The following TTBK2 variants were observed in gnomAD, a reference collection of about 807,000 sequenced individuals.
The protein encoded by TTBK2 is tau tubulin kinase 2.
In TTBK2, 28 loss-of-function variants were observed where a neutral mutation model predicts 110.8. The ratio of observed to expected loss-of-function variants is 0.25; its 90% CI spans 0.19 to 0.35. The LOEUF is 0.35. Ranked by LOEUF, TTBK2 falls within the 10% of genes least tolerant of loss-of-function variation. The probability of loss-of-function intolerance (pLI) is 1.00; values close to 1 mark genes in which losing one functional copy is unlikely to be tolerated. For synonymous variants in TTBK2, 532 were observed against 527.3 expected (o/e 1.01, Z -0.12); for missense variants, 1,369 against 1,500.3 (o/e 0.91, Z 1.45).
At chr15:42,873,460 C>T (rs1025818487) in intron 2 of TTBK2, among the ~76,000 whole-genome samples, 3 of 151,712 alleles carry the variant, frequency 2.0e-5, no homozygotes, top group Non-Finnish European at 4.4e-5. Flanking sequence ...AAAAACACTA[C>T]AAAATCACCC....
chr15:42,781,195 A>G (rs1225838912), intron 11 of TTBK2, among the ~76,000 whole-genome samples: 1 of 148,362 alleles, frequency 6.7e-6, no homozygotes, highest in Non-Finnish European at 1.5e-5. Context: ...TTAATGCTAG[A>G]AAAAAAAAAT....
chr15:42,859,424 G>A (rs1193826699), intron 3 of TTBK2, among the ~76,000 whole-genome samples: 1 of 152,104 alleles, frequency 6.6e-6, no homozygotes, highest in Non-Finnish European at 1.5e-5. Context: ...GGGTTTTACT[G>A]AAGCTTAATG....
intron 3 of TTBK2, among the ~76,000 whole-genome samples, chr15:42,847,876 A>T (rs1338403535): frequency 2.0e-5 from 3 of 152,202 alleles, no homozygotes; most frequent in Non-Finnish European, 4.4e-5. Flanking sequence ...ATTTTTAGAC[A>T]GGATCTCACT....
chr15:42,783,938 T>C (rs1890296347), intron 10 of TTBK2, among the ~76,000 whole-genome samples: 1 of 151,954 alleles, frequency 6.6e-6, no homozygotes, highest in South Asian at 2.1e-4. Context: ...GGTGGGCACC[T>C]GTAATCCCAG....
At position 42,742,960 on chromosome 15, in the gene TTBK2, A is replaced by G. The variant is rs144929145; in HGVS notation, c.*2835T>C. 4 of 152,304 alleles carry G rather than the reference A, an allele frequency of 2.6e-5. No individual in the cohort carries two copies. In the East Asian group the frequency reaches 7.7e-4, roughly 29 times the overall value. The allele number at this position is 152,304 out of a possible 1,614,324, so 9.4% of individuals were successfully genotyped here. On this transcript the variant is annotated 3_prime_UTR_variant, in exon 15 of 15. Coordinates refer to ENST00000267890, the MANE Select transcript of TTBK2 (RefSeq NM_173500.4). Reference sequence around the variant, plus strand: ...ATCATACTTTAAAACTAAAATAAAAATCCCTGTGTCACAGGTGCTTGCTCA... The same window carrying G: ...ATCATACTTTAAAACTAAAATAAAAGTCCCTGTGTCACAGGTGCTTGCTCA...
At position 42,783,619 on chromosome 15, in the gene TTBK2, G is replaced by C; in HGVS notation, c.997C>G (p.Pro333Ala). 6.2e-7 allele frequency: 1 copy of C among 1,613,706 alleles called. No individual in the cohort carries two copies. Among genetic ancestry groups the C allele is most frequent in the Non-Finnish European group, 8.5e-7 (1 of 1,179,928 alleles). The change falls in exon 11 of 15, where the codon CCC (proline) becomes GCC (alanine). Residue 333 changes from proline (P) to alanine (A), a missense_variant. Around this residue, in one of 4 missense-constraint regions of TTBK2, gnomAD observed 1,097 missense variants for 1,114.7 expected, o/e 0.98. Transcript: ENST00000267890. ...PAAIGIANAT[P>A]IPGDLLRENT... ...TCTCGAAGCAAGTCTCCAGGGATGGGAGTAGCATTGGCAATTCTACATATG... is the reference window on the plus strand; with the variant it reads ...TCTCGAAGCAAGTCTCCAGGGATGGCAGTAGCATTGGCAATTCTACATATG...
intron 10 of TTBK2, among the ~76,000 whole-genome samples, chr15:42,790,814 C>T (rs1260546304): frequency 1.3e-5 from 2 of 152,158 alleles, no homozygotes; most frequent in African/African-American, 4.8e-5. Context: ...ATTCTCCTGC[C>T]TCAGCCTCCG....
At chr15:42,803,722 T>C (rs1325732654) in intron 9 of TTBK2, among the ~76,000 whole-genome samples, 1 of 152,022 alleles carries the variant, frequency 6.6e-6, no homozygotes. Context: ...AAGGTAATGC[T>C]GAGTGAAGAA....
intron 3 of TTBK2, among the ~76,000 whole-genome samples, chr15:42,867,820 T>A (rs527404888): frequency 3.7e-4 from 57 of 152,348 alleles, no homozygotes; most frequent in African/African-American, 1.3e-3. Flanking sequence ...AATCCAGCAA[T>A]AATGCTCTTT....
At chr15:42,779,969 A>T (rs1480212181) in intron 11 of TTBK2, among the ~76,000 whole-genome samples, 2 of 151,364 alleles carry the variant, frequency 1.3e-5, no homozygotes, top group Non-Finnish European at 2.9e-5. Context: ...ACAGAGCGAG[A>T]CTCTGTCTCA....
In TTBK2 at chr15:42,836,916, G is replaced by C. The variant is rs1013034794; in HGVS notation, c.291+3444C>G. ...AGACTCAGCTTCTCCATGTACAAAA[G>C]AGGGATAAAACTTGTTCTCTCCTCC... On this transcript the variant is annotated intron_variant, in intron 4 of 14. Transcript: ENST00000267890. Among the ~76,000 whole-genome samples the C allele has an allele frequency of 2.6e-5, 4 of 152,122 alleles. No individual in the cohort carries two copies. In the East Asian group the frequency reaches 7.7e-4, roughly 29 times the overall value.
intron 9 of TTBK2, chr15:42,801,821 C>A: frequency 1.2e-6 from 1 of 861,810 alleles, no homozygotes; most frequent in South Asian, 1.3e-5. Flanking sequence ...TCTACATACT[C>A]CTTGATGAGC....
intron 6 of TTBK2, 51 bp from the exon 7 acceptor site, chr15:42,817,148 A>G (rs1892072985): frequency 6.6e-7 from 1 of 1,504,834 alleles, no homozygotes. Context: ...ACAGCAATAC[A>G]TTCAGCACAC....
intron 1 of TTBK2, among the ~76,000 whole-genome samples, chr15:42,899,969 A>C (rs532606605): frequency 1.8e-4 from 28 of 151,884 alleles, no homozygotes; most frequent in Non-Finnish European, 3.1e-4. Flanking sequence ...TCAAAAAATA[A>C]ATAAATAAAT....
rs1411465248 is a variant in TTBK2, at chr15:42,741,069, G to C, written c.*4726C>G. On this transcript the variant is annotated 3_prime_UTR_variant, in exon 15 of 15. Transcript: ENST00000267890. ...TGTACCTCCTACAGTTTTTCTAGCA[G>C]TGTTGGACAATGGATTCTAAAGGTT... The C allele has an allele frequency of 1.3e-5, 2 of 152,304 alleles. No homozygotes were observed. Among genetic ancestry groups the C allele is most frequent in the Middle Eastern group, 3.4e-3 (1 of 294 alleles). 9.4% of individuals were successfully genotyped at this position (152,304 alleles called of 1,614,324 possible).
At chr15:42,798,468 G>C (rs1891041038) in intron 9 of TTBK2, among the ~76,000 whole-genome samples, 1 of 152,002 alleles carries the variant, frequency 6.6e-6, no homozygotes, top group South Asian at 2.1e-4. Flanking sequence ...CTCAAACTAG[G>C]GTAACATGTA....
intron 6 of TTBK2, among the ~76,000 whole-genome samples, chr15:42,825,413 C>G (rs1892487580): frequency 6.6e-6 from 1 of 152,092 alleles, no homozygotes; most frequent in African/African-American, 2.4e-5. Flanking sequence ...ATTTAAAATT[C>G]AGTTCCTGGG....
chr15:42,876,843 G>C (rs568245639), intron 2 of TTBK2, among the ~76,000 whole-genome samples: 2 of 152,230 alleles, frequency 1.3e-5, no homozygotes, highest in Non-Finnish European at 2.9e-5. Context: ...CCTGTCAAAA[G>C]AACTCAGAAG....
rs183036688 is a variant in TTBK2, at chr15:42,739,557, G to C, written c.*6238C>G. On this transcript the variant is annotated 3_prime_UTR_variant, in exon 15 of 15. Transcript: ENST00000267890. ...ACCAGGAACTATGTATCAAGGAGAA[G>C]TAAGTGAGGCTCAAGCCCAGGCCAC... 4.1e-4 allele frequency: 62 copies of C among 152,332 alleles called. No individual in the cohort carries two copies. Among genetic ancestry groups the C allele is most frequent in the Admixed American group, 3.9e-3 (60 of 15,302 alleles). 9.4% of individuals were successfully genotyped at this position (152,332 alleles called of 1,614,324 possible).
Sources: gnomAD v4.1 joint callset for allele counts (sites outside exome capture counted in the v4.1 genomes callset) on GRCh38, gnomAD v4.1.1 for gene constraint, gnomAD v4.1.1 regional missense constraint, MANE v1.5 for transcripts, NCBI Gene and HGNC (gene_info 2026-07-23, HGNC 2026-07-21) for gene names.